GPRASP3: variants seen among roughly 807,000 people sequenced by gnomAD.
The protein encoded by GPRASP3 is G protein-coupled receptor associated sorting protein family member 3.
the GPRASP3 span, among the ~76,000 whole-genome samples, chrX:102,730,890 T>C: frequency 1.2e-4 from 13 of 112,288 alleles, no homozygotes; most frequent in Non-Finnish European, 1.9e-5. Context: ...TTTGGCATAG[T>C]GAATCAGGGT....
chrX:102,735,986 A>G, the GPRASP3 span, among the ~76,000 whole-genome samples: 4 of 112,229 alleles, frequency 3.6e-5, no homozygotes, highest in Non-Finnish European at 7.5e-5. Context: ...TTAATTATGT[A>G]CTAGATTTGG....
At chrX:102,736,692 T>C in the GPRASP3 span, among the ~76,000 whole-genome samples, 1 of 111,688 alleles carries the variant, frequency 9.0e-6, no homozygotes, top group African/African-American at 3.3e-5. Flanking sequence ...GGGAATCTTA[T>C]CTCTCAGTGG....
the GPRASP3 span, among the ~76,000 whole-genome samples, chrX:102,741,281 G>C: frequency 5.1e-3 from 574 of 112,268 alleles, 1 homozygote; most frequent in Non-Finnish European, 8.0e-3. Context: ...GTTTAATCTC[G>C]ATCCTAGGAC....
chrX:102,751,949 A>AT, the GPRASP3 span: 393 of 92,541 alleles, frequency 4.2e-3, 2 homozygotes, highest in East Asian at 0.014. Flanking sequence ...TCATACCTTA[A>AT]TTTTTTTTTT....
chrX:102,727,760 T>A, the GPRASP3 span, among the ~76,000 whole-genome samples: 138 of 112,671 alleles, frequency 1.2e-3, no homozygotes, highest in African/African-American at 4.1e-3. Context: ...TCAGAAATTT[T>A]AAAAGAACTA....
At chrX:102,740,500 G>A in the GPRASP3 span, among the ~76,000 whole-genome samples, 1 of 111,685 alleles carries the variant, frequency 9.0e-6, no homozygotes, top group Admixed American at 9.5e-5. Flanking sequence ...AGATTGTGAA[G>A]AGTATAATAA....
At chrX:102,721,088 G>A in the GPRASP3 span, 1 of 111,355 alleles carries the variant, frequency 9.0e-6, no homozygotes, top group Non-Finnish European at 1.9e-5. Context: ...AGATGCGGGT[G>A]CAGGTAATGC....
chrX:102,750,477 T>C, the GPRASP3 span: 2 of 1,210,393 alleles, frequency 1.7e-6, no homozygotes, highest in East Asian at 5.9e-5. Flanking sequence ...AACTCATCTT[T>C]AACCAGAAAG....
the GPRASP3 span, among the ~76,000 whole-genome samples, chrX:102,730,414 AGGT>A: frequency 3.6e-5 from 4 of 112,616 alleles, no homozygotes; most frequent in African/African-American, 1.3e-4. Flanking sequence ...GGACGGGTCC[AGGT>A]CCGTGGCCTA....
chrX:102,738,508 G>A, the GPRASP3 span, among the ~76,000 whole-genome samples: 4 of 110,898 alleles, frequency 3.6e-5, no homozygotes, highest in African/African-American at 6.6e-5. Context: ...ATGGTAATCC[G>A]TTAGGCTAGG....
At chrX:102,747,212 T>C in the GPRASP3 span, among the ~76,000 whole-genome samples, 1 of 112,191 alleles carries the variant, frequency 8.9e-6, no homozygotes, top group Admixed American at 9.4e-5. Context: ...TGGGAGACTT[T>C]ATTTACTTAG....
the GPRASP3 span, among the ~76,000 whole-genome samples, chrX:102,728,534 A>C: frequency 9.4e-6 from 1 of 106,553 alleles, no homozygotes; most frequent in East Asian, 3.0e-4. Context: ...TGTGATGTTC[A>C]GCAGAAAAGA....
At chrX:102,745,697 C>G in the GPRASP3 span, among the ~76,000 whole-genome samples, 2 of 111,347 alleles carry the variant, frequency 1.8e-5, no homozygotes, top group Non-Finnish European at 3.8e-5. Context: ...TGGTATCCAT[C>G]CGCTGCTCCC....
the GPRASP3 span, chrX:102,749,335 G>A: frequency 8.3e-7 from 1 of 1,211,928 alleles, no homozygotes; most frequent in Non-Finnish European, 1.1e-6. Context: ...GTTCTGGGCT[G>A]GGGAAGAGGC....
chrX:102,746,528 C>T, the GPRASP3 span, among the ~76,000 whole-genome samples: 1 of 112,425 alleles, frequency 8.9e-6, no homozygotes, highest in African/African-American at 3.2e-5. Context: ...GAGCGGGAGC[C>T]ATTGTGGGGG....
chrX:102,724,667 A>G, the GPRASP3 span, among the ~76,000 whole-genome samples: 3 of 110,135 alleles, frequency 2.7e-5, no homozygotes, highest in Non-Finnish European at 5.7e-5. Context: ...AGATACTTAA[A>G]CAGTTTATGC....
chrX:102,748,347 G>T, the GPRASP3 span, among the ~76,000 whole-genome samples: 7 of 111,698 alleles, frequency 6.3e-5, no homozygotes, highest in South Asian at 2.7e-3. Flanking sequence ...GTGCAGGTTG[G>T]TGTGAGTGCT....
At chrX:102,730,459 T>C in the GPRASP3 span, among the ~76,000 whole-genome samples, 1 of 112,015 alleles carries the variant, frequency 8.9e-6, no homozygotes, top group African/African-American at 3.2e-5. Flanking sequence ...TGAAGATAGG[T>C]CAATAGTGTA....
At chrX:102,748,124 A>T in the GPRASP3 span, among the ~76,000 whole-genome samples, 2 of 111,859 alleles carry the variant, frequency 1.8e-5, no homozygotes, top group Admixed American at 1.9e-4. Context: ...AAGATAAGCC[A>T]CAAGGAGTAC....
Sources: allele counts gnomAD v4.1 joint callset (sites outside exome capture counted in the v4.1 genomes callset), GRCh38; gene constraint gnomAD v4.1.1; transcripts MANE v1.5; gene names NCBI Gene and HGNC (gene_info 2026-07-23, HGNC 2026-07-21).